SLCO1A2: variants seen among roughly 807,000 people sequenced by gnomAD.
The protein encoded by SLCO1A2 is solute carrier organic anion transporter family member 1A2, also known as OATP-1.
A neutral mutation model predicts 69.0 loss-of-function variants in SLCO1A2; 67 were observed. That is an observed-to-expected ratio of 0.97 (90% CI 0.80 to 1.19). The LOEUF (loss-of-function observed/expected upper bound fraction) is 1.19. Ranked by LOEUF, SLCO1A2 falls within the 50% of genes most tolerant of loss-of-function variation. The probability of loss-of-function intolerance (pLI) is 0.00; values close to 1 mark genes in which losing one functional copy is unlikely to be tolerated. For missense variants in SLCO1A2, 787 were observed against 793.7 expected, an observed-to-expected ratio of 0.99 and a Z score of 0.10; for synonymous variants, 260 against 265.9, an observed-to-expected ratio of 0.98 and a Z score of 0.22.
At chr12:21,271,187 A>T (rs1942763795) in intron 14 of SLCO1A2, among the ~76,000 whole-genome samples, 1 of 151,832 alleles carries the variant, frequency 6.6e-6, no homozygotes, top group Admixed American at 6.6e-5. Context: ...TAAATCCTGT[A>T]AAAGGTGTTT....
rs1229200829 is a variant in SLCO1A2, at chr12:21,334,616, T to G, written c.32A>C (p.His11Pro). Residue 11 changes from histidine (H) to proline (P), a missense_variant, in exon 2 of 15, where the codon CAT (histidine) becomes CCT (proline). Transcript: ENST00000683939. ...CAACTTGGAAAGACATCTTATTCTATGGGTTTCAATTCTTTTCTCAGTTTC... is the reference window on the plus strand; with the variant it reads ...CAACTTGGAAAGACATCTTATTCTAGGGGTTTCAATTCTTTTCTCAGTTTC... MGETEKRIET[H>P]RIRCLSKLKM... is the part of the protein sequence containing the mutation. 6.2e-7 allele frequency: 1 copy of G among 1,610,726 alleles called. No homozygotes were observed. The highest frequency in any genetic ancestry group is 1.7e-5 in the Admixed American group (1 of 59,684).
intron 2 of SLCO1A2, among the ~76,000 whole-genome samples, chr12:21,363,832 C>G (rs918643689): frequency 6.6e-6 from 1 of 152,140 alleles, no homozygotes. Flanking sequence ...ATACACCCTC[C>G]TAAGACTAAA....
chr12:21,295,723 A>AT lies in SLCO1A2; in HGVS notation c.1144dup (p.Ile382AsnfsTer17). On this transcript the variant is annotated frameshift_variant, in exon 10 of 15. Transcript: ENST00000683939. LOFTEE classifies it high-confidence loss of function. ...TATGTGGGCAGCTTGTTTGACAGTA[A>AT]TCTTGAACTTCTTCATAATTAAACC... The AT allele has an allele frequency of 6.2e-7, 1 of 1,606,948 alleles. No individual in the cohort carries two copies. The highest frequency in any genetic ancestry group is 8.5e-7 in the Non-Finnish European group (1 of 1,173,664).
At chr12:21,290,618 G>C (rs940373880) in intron 12 of SLCO1A2, among the ~76,000 whole-genome samples, 1 of 152,054 alleles carries the variant, frequency 6.6e-6, no homozygotes, top group African/African-American at 2.4e-5. Flanking sequence ...AATAACACTG[G>C]ATATCTATGT....
At chr12:21,412,347 C>T (rs1262717687) in intron 1 of SLCO1A2, among the ~76,000 whole-genome samples, 3 of 151,702 alleles carry the variant, frequency 2.0e-5, no homozygotes, top group African/African-American at 7.3e-5. Flanking sequence ...CACCACTACA[C>T]TCCAGCCTGG....
intron 2 of SLCO1A2, among the ~76,000 whole-genome samples, chr12:21,342,634 A>C (rs180856476): frequency 6.6e-5 from 10 of 152,174 alleles, no homozygotes; most frequent in African/African-American, 2.4e-4. Context: ...ATAGCACGAT[A>C]TATAAGACAA....
At chr12:21,286,306 T>C (rs1461623987) in intron 12 of SLCO1A2, among the ~76,000 whole-genome samples, 16 of 148,130 alleles carry the variant, frequency 1.1e-4, no homozygotes, top group Admixed American at 4.1e-4. Flanking sequence ...TTACAAGGGA[T>C]GTGAAGGACC....
intron 8 of SLCO1A2, 102 bp downstream of exon 8, chr12:21,300,246 G>T: frequency 2.7e-6 from 2 of 752,568 alleles, no homozygotes; most frequent in Non-Finnish European, 4.1e-6. Context: ...ATGACAAATT[G>T]TCTCAACACA....
intron 4 of SLCO1A2, among the ~76,000 whole-genome samples, chr12:21,314,265 G>A (rs575711986): frequency 1.2e-3 from 181 of 152,270 alleles, no homozygotes; most frequent in Non-Finnish European, 2.1e-3. Context: ...CCTGAGAAGG[G>A]AATAATCCCA....
At chr12:21,270,225 A>G (rs543205231) in intron 14 of SLCO1A2, among the ~76,000 whole-genome samples, 1 of 151,868 alleles carries the variant, frequency 6.6e-6, no homozygotes, top group African/African-American at 2.4e-5. Context: ...AGTTTTAATC[A>G]TGAATGTGCA....
rs10841795 is a variant in SLCO1A2 at position 21,334,610 on chromosome 12, A to G, written c.38T>C (p.Ile13Thr). 0.12 allele frequency: 185,797 copies of G among 1,608,460 alleles called. 12,028 individuals carry two copies. The highest frequency in any genetic ancestry group is 0.13 in the Non-Finnish European group (154,961 of 1,176,284). ...ETEKRIETHR[I>T]RCLSKLKMFL... ...TACCTTCAACTTGGAAAGACATCTT[A>G]TTCTATGGGTTTCAATTCTTTTCTC... Residue 13 changes from isoleucine to threonine, a missense_variant, in exon 2 of 15, where the codon ATA becomes ACA. Ile to Thr is a moderately conservative substitution (Grantham distance 89, BLOSUM62 -1). Coordinates refer to ENST00000683939, the MANE Select transcript of SLCO1A2 (RefSeq NM_001386879.1).
intron 1 of SLCO1A2, among the ~76,000 whole-genome samples, chr12:21,416,486 T>G (rs1941990977): frequency 6.7e-6 from 1 of 148,616 alleles, no homozygotes; most frequent in Non-Finnish European, 1.5e-5. Context: ...TTAGGAGGAT[T>G]TTTTTTTTAA....
At chr12:21,358,972 G>A (rs923685558) in intron 2 of SLCO1A2, among the ~76,000 whole-genome samples, 3 of 152,110 alleles carry the variant, frequency 2.0e-5, no homozygotes, top group African/African-American at 7.2e-5. Context: ...TTGGAAGGTG[G>A]CAAAAGACTG....
At chr12:21,311,027 G>A (rs1279707433) in intron 4 of SLCO1A2, among the ~76,000 whole-genome samples, 1 of 152,170 alleles carries the variant, frequency 6.6e-6, no homozygotes, top group East Asian at 1.9e-4. Flanking sequence ...AACATTAGTT[G>A]TCATTTCAAC....
chr12:21,392,391 C>G (rs545522508), intron 1 of SLCO1A2, among the ~76,000 whole-genome samples: 1 of 152,254 alleles, frequency 6.6e-6, no homozygotes, highest in East Asian at 1.9e-4. Context: ...CCAGCCACAG[C>G]CTTTTTGCCT....
intron 1 of SLCO1A2, among the ~76,000 whole-genome samples, chr12:21,393,909 A>T (rs1941287499): frequency 6.6e-6 from 1 of 152,224 alleles, no homozygotes; most frequent in African/African-American, 2.4e-5. Flanking sequence ...TAACCAAGCG[A>T]CATTACTGTA....
rs1174689745 is a variant in SLCO1A2 at position 21,334,593 on chromosome 12, A to G, written c.55T>C (p.Leu19=). ...CACATACAAAAATTCCATACCTTCA[A>G]CTTGGAAAGACATCTTATTCTATGG... ...ETHRIRCLSK[L]KMFLLAITCA... Residue 19 remains leucine, a synonymous_variant, in exon 2 of 15, where the codon TTG becomes CTG. Transcript: ENST00000683939. 6.2e-7 allele frequency: 1 copy of G among 1,608,652 alleles called. No individual in the cohort carries two copies. The highest frequency in any genetic ancestry group is 8.5e-7 in the Non-Finnish European group (1 of 1,176,828).
At chr12:21,393,604 A>T (rs1941270330) in intron 1 of SLCO1A2, among the ~76,000 whole-genome samples, 1 of 152,230 alleles carries the variant, frequency 6.6e-6, no homozygotes, top group Admixed American at 6.5e-5. Context: ...TCTGCAATAG[A>T]CAATGCCCAA....
At chr12:21,346,939 G>A (rs538324271) in intron 2 of SLCO1A2, among the ~76,000 whole-genome samples, 1 of 150,898 alleles carries the variant, frequency 6.6e-6, no homozygotes, top group African/African-American at 2.4e-5. Flanking sequence ...TTAGTAACAT[G>A]ACTGAGTCTA....
Sources: gnomAD v4.1 joint callset for allele counts (sites outside exome capture counted in the v4.1 genomes callset) on GRCh38, gnomAD v4.1.1 for gene constraint, MANE v1.5 for transcripts, NCBI Gene and HGNC (gene_info 2026-07-23, HGNC 2026-07-21) for gene names.